IL18R1: variants seen among roughly 807,000 people sequenced by gnomAD.
IL18R1 encodes interleukin 18 receptor 1, also known as interleukin-18 receptor 1.
Under a neutral mutation model 48.5 loss-of-function variants are expected in IL18R1, and 40 were observed. That is an observed-to-expected ratio of 0.82 (90% CI 0.64 to 1.07). The LOEUF is 1.07. IL18R1 is among the 50% of genes least tolerant of loss of function. The probability of loss-of-function intolerance (pLI) is 0.00; values close to 1 mark genes in which losing one functional copy is unlikely to be tolerated. For missense variants in IL18R1, 596 were observed against 633.7 expected (o/e 0.94, Z 0.64); for synonymous variants, 232 against 225.9 (o/e 1.03, Z -0.24).
intron 10 of IL18R1, among the ~76,000 whole-genome samples, chr2:102,395,354 A>C (rs1361760087): frequency 6.6e-6 from 1 of 152,176 alleles, no homozygotes; most frequent in African/African-American, 2.4e-5. Context: ...AAAAAAAAAA[A>C]ACAAATGTTT....
chr2:102,396,790 A>C lies in IL18R1; in HGVS notation c.1530A>C (p.Ser510=). 6.2e-7 allele frequency: 1 copy of C among 1,614,012 alleles called. No homozygotes were observed. The highest frequency in any genetic ancestry group is 2.2e-5 in the East Asian group (1 of 44,882). Residue 510 remains serine (S), a synonymous_variant, in exon 11 of 11, where the codon TCA becomes TCC. Coordinates refer to ENST00000233957, the MANE Select transcript of IL18R1 (RefSeq NM_003855.5). ...WKADKSLSYN[S]RFWKNLLYLM... ...CCGATAAATCTCTTTCTTATAACTCAAGGTTCTGGAAGAACCTTCTTTACT... is the reference window on the plus strand; with the variant it reads ...CCGATAAATCTCTTTCTTATAACTCCAGGTTCTGGAAGAACCTTCTTTACT...
At chr2:102,388,667 A>T (rs1680385349) in intron 8 of IL18R1, among the ~76,000 whole-genome samples, 1 of 152,150 alleles carries the variant, frequency 6.6e-6, no homozygotes, top group African/African-American at 2.4e-5. Flanking sequence ...TAGGTTTAGA[A>T]ATTGGGGCTC....
Position 102,396,921 on chromosome 2 carries a change from G to A in IL18R1, c.*35G>A, listed in dbSNP as rs774068109. ...ACAGTGAACGCCAAAAAGAACTCAA[G>A]ATATTCTGGGGACTGAGCATATGAA... is the stretch of plus-strand genomic sequence containing the variant. On this transcript the variant is annotated 3_prime_UTR_variant, in exon 11 of 11. Coordinates refer to ENST00000233957, the MANE Select transcript of IL18R1 (RefSeq NM_003855.5). The A allele has an allele frequency of 7.6e-7, 1 of 1,315,516 alleles. No homozygotes were observed. Among genetic ancestry groups the A allele is most frequent in the South Asian group, 1.4e-5 (1 of 72,390 alleles). 81.5% of individuals were successfully genotyped at this position (1,315,516 alleles called of 1,614,324 possible).
At chr2:102,362,608 G>GAAT in intron 1 of IL18R1, 25 bp from the exon 2 acceptor site, 1 of 1,502,656 alleles carries the variant, frequency 6.7e-7, no homozygotes, top group Non-Finnish European at 9.1e-7. Flanking sequence ...AGCTTTGGCT[G>GAAT]AATCTGTTTT....
In IL18R1 at chr2:102,375,845, G is replaced by T. The variant is rs79488820; in HGVS notation, c.469-62G>T. 6.4e-4 allele frequency: 719 copies of T among 1,130,128 alleles called. 5 individuals are homozygous for T. The African/African-American group carries it at 0.01, about 16-fold the overall frequency. The allele number at this position is 1,130,128 out of a possible 1,614,324, so 70.0% of individuals were successfully genotyped here. A position where few individuals can be genotyped will look rare whatever the true frequency, so the allele number is the denominator to read the frequency against. The stretch of plus-strand genomic sequence containing the variant: ...TAAAGATCTTTAACTCAAAAATTTG[G>T]ATCACTGTAATATCAATTTGGCTTT... On this transcript the variant is annotated intron_variant, in intron 4 of 10. Transcript: ENST00000233957.
intron 7 of IL18R1, 79 bp from the exon 8 acceptor site, chr2:102,386,782 C>T (rs1011987196): frequency 7.0e-7 from 1 of 1,433,934 alleles, no homozygotes; most frequent in African/African-American, 1.4e-5. Context: ...CAGCTGCCTT[C>T]AAGCATTTTA....
chr2:102,392,845 T>C (rs942013046), intron 9 of IL18R1, among the ~76,000 whole-genome samples: 5 of 152,180 alleles, frequency 3.3e-5, no homozygotes, highest in African/African-American at 1.2e-4. Flanking sequence ...ATAAAAACAT[T>C]ACCATTAGTT....
chr2:102,377,325 A>G (rs1679646447), intron 5 of IL18R1, among the ~76,000 whole-genome samples: 1 of 151,946 alleles, frequency 6.6e-6, no homozygotes, highest in Non-Finnish European at 1.5e-5. Flanking sequence ...TTTATTTTAT[A>G]TTTTTGAGAT....
At chr2:102,372,291 T>C (rs1358687534) in intron 4 of IL18R1, among the ~76,000 whole-genome samples, 173 bp downstream of exon 4, 4 of 152,236 alleles carry the variant, frequency 2.6e-5, no homozygotes, top group Non-Finnish European at 5.9e-5. Flanking sequence ...CAAGAGCTGA[T>C]ACATAGTATT....
intron 1 of IL18R1, among the ~76,000 whole-genome samples, chr2:102,362,393 G>A (rs41466648): frequency 1.3e-5 from 2 of 152,202 alleles, no homozygotes; most frequent in East Asian, 3.8e-4. Context: ...TTCAGACTCT[G>A]TTGTATCAGA....
intron 3 of IL18R1, among the ~76,000 whole-genome samples, chr2:102,368,874 A>C (rs1464990779): frequency 6.6e-6 from 1 of 152,116 alleles, no homozygotes; most frequent in Non-Finnish European, 1.5e-5. Context: ...TTTCTTTTAG[A>C]AGCACTTCTA....
chr2:102,391,488 C>T (rs1573230886), intron 9 of IL18R1, among the ~76,000 whole-genome samples: 1 of 152,154 alleles, frequency 6.6e-6, no homozygotes, highest in Non-Finnish European at 1.5e-5. Context: ...ATTTAGTCTC[C>T]TTTTGATGGA....
intron 3 of IL18R1, among the ~76,000 whole-genome samples, chr2:102,370,258 T>A (rs1304446240): frequency 6.6e-6 from 1 of 152,184 alleles, no homozygotes; most frequent in Non-Finnish European, 1.5e-5. Flanking sequence ...TCCTCTAGCA[T>A]TTGTTGAGTG....
intron 4 of IL18R1, among the ~76,000 whole-genome samples, chr2:102,374,714 G>A (rs11465616): frequency 6.6e-6 from 1 of 151,908 alleles, no homozygotes; most frequent in South Asian, 2.1e-4. Flanking sequence ...GGAGGCAGAG[G>A]TTGCAGCGAG....
intron 6 of IL18R1, 71 bp from the exon 7 acceptor site, chr2:102,384,807 T>G: frequency 6.4e-7 from 1 of 1,559,846 alleles, no homozygotes; most frequent in Non-Finnish European, 8.7e-7. Context: ...CATACATTGA[T>G]TATATTGTTT....
At chr2:102,394,779 G>A (rs1240763171) in intron 10 of IL18R1, 152 bp downstream of exon 10, 3 of 505,844 alleles carry the variant, frequency 5.9e-6, no homozygotes, top group Non-Finnish European at 1.0e-5. Context: ...ACAATCGATA[G>A]TGAGAAAACA....
intron 3 of IL18R1, 57 bp from the exon 4 acceptor site, chr2:102,371,896 T>C: frequency 1.1e-6 from 1 of 947,726 alleles, no homozygotes; most frequent in Non-Finnish European, 1.6e-6. Context: ...GGAAGATGGG[T>C]GATATTTGCA....
chr2:102,390,159 T>C lies in IL18R1; in HGVS notation c.1053T>C (p.Tyr351=). Reference sequence around the variant, plus strand: ...GCCTAGTGACTGTGTGTGTCATTTATAGAGTTGACTTGGTTCTATTTTATA... The same window carrying C: ...GCCTAGTGACTGTGTGTGTCATTTACAGAGTTGACTTGGTTCTATTTTATA... ...VVCLVTVCVI[Y]RVDLVLFYRH... Residue 351 remains tyrosine, a synonymous_variant, in exon 9 of 11, where the codon TAT becomes TAC. Coordinates refer to ENST00000233957, the MANE Select transcript of IL18R1 (RefSeq NM_003855.5). 1 of 1,614,110 alleles carries C rather than the reference T, an allele frequency of 6.2e-7. No homozygotes were observed.
intron 6 of IL18R1, among the ~76,000 whole-genome samples, chr2:102,384,311 C>G (rs1206748115): frequency 1.3e-5 from 2 of 152,208 alleles, no homozygotes; most frequent in African/African-American, 4.8e-5. Context: ...GAGCGCTTAG[C>G]AGTAATTCTG....
Sources: allele counts gnomAD v4.1 joint callset (sites outside exome capture counted in the v4.1 genomes callset), GRCh38; gene constraint gnomAD v4.1.1; transcripts MANE v1.5; gene names NCBI Gene and HGNC (gene_info 2026-07-23, HGNC 2026-07-21).